Variants in DMXL1 observed in about 807,000 individuals in gnomAD.
The protein encoded by DMXL1 is dmX-like protein 1.
In DMXL1, 99 loss-of-function variants were observed where a neutral mutation model predicts 319.2. The observed-to-expected ratio is 0.31, with a 90% confidence interval of 0.26 to 0.37. The LOEUF is 0.37. Among genes scored for constraint, DMXL1 ranks in the 10% least tolerant of loss-of-function variants. The pLI, the probability that DMXL1 is intolerant of heterozygous loss-of-function variation, is 1.00. For synonymous variants in DMXL1, 1,385 were observed against 1,235.2 expected, an observed-to-expected ratio of 1.12 and a Z score of -2.54; for missense variants, 3,745 against 3,595.6, an observed-to-expected ratio of 1.04 and a Z score of -1.06.
chr5:119,175,451 C>A, intron 26 of DMXL1, 114 bp downstream of exon 26: 2 of 707,448 alleles, frequency 2.8e-6, no homozygotes, highest in Non-Finnish European at 4.4e-6. Context: ...ATGCAAAAAG[C>A]ATATGGTTGA....
At chr5:119,238,913 T>A in intron 40 of DMXL1, 76 bp from the exon 41 acceptor site, 1 of 1,568,674 alleles carries the variant, frequency 6.4e-7, no homozygotes, top group Non-Finnish European at 8.6e-7. Flanking sequence ...ACATGATCAC[T>A]TTTCGAAGAA....
At chr5:119,145,180 A>T (rs1439926766) in intron 15 of DMXL1, among the ~76,000 whole-genome samples, 1 of 151,854 alleles carries the variant, frequency 6.6e-6, no homozygotes, top group Non-Finnish European at 1.5e-5. Context: ...GGCATTCTTG[A>T]ATATCACAAT....
At chr5:119,183,894 G>A (rs958687484) in intron 28 of DMXL1, among the ~76,000 whole-genome samples, 1 of 152,100 alleles carries the variant, frequency 6.6e-6, no homozygotes, top group Non-Finnish European at 1.5e-5. Context: ...TAGAGAAAGC[G>A]TAGAAGATAA....
At chr5:119,236,522 A>G (rs1024937584) in intron 39 of DMXL1, 15 of 152,016 alleles carry the variant, frequency 9.9e-5, no homozygotes, top group African/African-American at 3.6e-4. Context: ...TTTATGTGTA[A>G]TTACCTGGGA....
chr5:119,218,143 A>G (rs896413208), intron 35 of DMXL1, among the ~76,000 whole-genome samples: 1 of 152,080 alleles, frequency 6.6e-6, no homozygotes, highest in African/African-American at 2.4e-5. Flanking sequence ...TTGGGAGGCC[A>G]AGGCAGTAGG....
chr5:119,204,538 C>T (rs1488693726), intron 33 of DMXL1, among the ~76,000 whole-genome samples: 1 of 150,672 alleles, frequency 6.6e-6, no homozygotes, highest in Non-Finnish European at 1.5e-5. Context: ...GTTGCTTATA[C>T]CTTGATATTA....
chr5:119,219,326 T>C (rs777938697), intron 35 of DMXL1, among the ~76,000 whole-genome samples: 4 of 152,152 alleles, frequency 2.6e-5, no homozygotes, highest in Non-Finnish European at 5.9e-5. Flanking sequence ...TCCTGGCAAT[T>C]ATACTGCAGA....
intron 1 of DMXL1, 65 bp from the exon 2 acceptor site, chr5:119,097,914 C>G: frequency 7.6e-7 from 1 of 1,315,766 alleles, no homozygotes; most frequent in Non-Finnish European, 1.0e-6. Flanking sequence ...ATAGTTAATA[C>G]TAGTATTCTA....
At chr5:119,202,559 A>G (rs781358093) in intron 32 of DMXL1, among the ~76,000 whole-genome samples, 1 of 152,102 alleles carries the variant, frequency 6.6e-6, no homozygotes, top group East Asian at 1.9e-4. Context: ...CATGCACACA[A>G]TTATTAAAAA....
At chr5:119,222,467 G>T (rs1784811384) in intron 37 of DMXL1, among the ~76,000 whole-genome samples, 2 of 152,140 alleles carry the variant, frequency 1.3e-5, no homozygotes. Context: ...AAAACTTACT[G>T]ATATTATATT....
intron 17 of DMXL1, 39 bp downstream of exon 17, chr5:119,147,509 CAT>C: frequency 7.1e-7 from 1 of 1,401,452 alleles, no homozygotes; most frequent in Non-Finnish European, 1.0e-6. Context: ...TTTTGTAACA[CAT>C]GAGTATTTAC....
intron 10 of DMXL1, among the ~76,000 whole-genome samples, chr5:119,132,000 AAG>A (rs1208454635): frequency 6.6e-6 from 1 of 152,220 alleles, no homozygotes; most frequent in Non-Finnish European, 1.5e-5. Flanking sequence ...TCAAAATAAA[AAG>A]AGTCTTCTTC....
Position 119,149,417 on chromosome 5 carries a change from T to G in DMXL1, c.3590T>G (p.Phe1197Cys), listed in dbSNP as rs751829945. The change falls in exon 18 of 44, where the codon TTT becomes TGT. Residue 1197 changes from phenylalanine (F) to cysteine (C), a missense_variant. Phe to Cys is a radical substitution (Grantham distance 205). This residue lies in a region of DMXL1 where 2,096 missense variants were observed against 1,985.4 expected (regional missense o/e 1.06). Coordinates refer to ENST00000539542, the MANE Select transcript of DMXL1 (RefSeq NM_001290321.3). ...ESTKVVPLSK[F>C]VLLRSVDLVS... ...ACCAAAGTTGTGCCCCTTTCTAAAT[T>G]TGTACTATTACGAAGTGTGGACCTA... 2.5e-6 allele frequency: 4 copies of G among 1,613,824 alleles called. No homozygotes were observed. In the East Asian group the frequency reaches 8.9e-5, roughly 36 times the overall value.
intron 38 of DMXL1, among the ~76,000 whole-genome samples, chr5:119,227,208 A>AT (rs919779514): frequency 2.0e-5 from 3 of 151,874 alleles, no homozygotes; most frequent in South Asian, 2.1e-4. Flanking sequence ...ACACTGGGTC[A>AT]TTTTTTTTCC....
At chr5:119,152,725 G>A (rs1770092154) in intron 19 of DMXL1, among the ~76,000 whole-genome samples, 1 of 152,150 alleles carries the variant, frequency 6.6e-6, no homozygotes, top group Non-Finnish European at 1.5e-5. Context: ...AAACAAAACA[G>A]CATGTTTTTT....
In DMXL1 at chr5:119,082,020, T is replaced by TACACAC. The variant is rs565047535; in HGVS notation, c.87+10396_87+10401dup. Among the ~76,000 whole-genome samples, 479 of 108,118 alleles carry TACACAC rather than the reference T, an allele frequency of 4.4e-3. 4 individuals are homozygous for TACACAC. The highest frequency in any genetic ancestry group is 6.2e-3 in the Admixed American group (64 of 10,348). 70.9% of individuals were successfully genotyped at this position (108,118 alleles called of 152,430 possible). A position where few individuals can be genotyped will look rare whatever the true frequency, so the allele number is the denominator to read the frequency against. ...GGTTATATATATATATATATATATA[T>TACACAC]ACACACACACACACACACACACACA... On this transcript the variant is annotated intron_variant, in intron 1 of 43. Coordinates refer to ENST00000539542, the MANE Select transcript of DMXL1 (RefSeq NM_001290321.3).
chr5:119,100,437 TAAA>T lies in DMXL1; in HGVS notation c.214-1485_214-1483del, dbSNP rs767262000. Among the ~76,000 whole-genome samples the T allele has an allele frequency of 8.9e-4, 114 of 128,100 alleles. No homozygotes were observed. The South Asian group carries it at 0.025, about 28-fold the overall frequency. The allele number at this position is 128,100 out of a possible 152,430, so 84.0% of individuals were successfully genotyped here. On this transcript the variant is annotated intron_variant, in intron 2 of 43. Transcript: ENST00000539542. The stretch of plus-strand genomic sequence containing the variant: ...GGTAACAGTGTGAGACTCCGTCTCA[TAAA>T]AAAAAAAAAAAAGAAGGAAATGTCA...
In DMXL1 at chr5:119,135,363, A is replaced by G. The variant is rs1369300820; in HGVS notation, c.2376+974A>G. The stretch of plus-strand genomic sequence containing the variant: ...GTTGCAGAAGAATTAGGAATTGCCA[A>G]GTAAGTTGCTGGTCAGGGAAAATTT... On this transcript the variant is annotated intron_variant, in intron 13 of 43. Coordinates refer to ENST00000539542, the MANE Select transcript of DMXL1 (RefSeq NM_001290321.3). Among the ~76,000 whole-genome samples the G allele has an allele frequency of 3.3e-5, 5 of 152,232 alleles. No homozygotes were observed. The South Asian group carries it at 6.2e-4, about 19-fold the overall frequency.
intron 34 of DMXL1, among the ~76,000 whole-genome samples, chr5:119,213,583 A>G (rs1381266996): frequency 6.6e-6 from 1 of 152,206 alleles, no homozygotes; most frequent in Admixed American, 6.5e-5. Flanking sequence ...AGTTGCCTAT[A>G]AAGTCCTTCA....
Sources: allele counts gnomAD v4.1 joint callset (sites outside exome capture counted in the v4.1 genomes callset), GRCh38; gene constraint gnomAD v4.1.1; regional missense constraint gnomAD v4.1.1; transcripts MANE v1.5; gene names NCBI Gene and HGNC (gene_info 2026-07-23, HGNC 2026-07-21).